The following BNIP3 variants were observed in gnomAD, a reference collection of about 807,000 sequenced individuals.
BNIP3 encodes BCL2 interacting protein 3.
A neutral mutation model predicts 23.9 loss-of-function variants in BNIP3; 16 were observed. The ratio of observed to expected loss-of-function variants is 0.67; its 90% CI spans 0.45 to 1.01. The LOEUF is 1.01. Ranked by LOEUF, BNIP3 falls within the 50% of genes least tolerant of loss-of-function variation. The pLI, the probability that BNIP3 is intolerant of heterozygous loss-of-function variation, is 0.00. For missense variants in BNIP3, 198 were observed against 248.7 expected (o/e 0.80, Z 1.37); for synonymous variants, 81 against 89.3 (o/e 0.91, Z 0.53).
In BNIP3 at chr10:131,970,358, A is replaced by T. The variant is rs991989658; in HGVS notation, c.539+280T>A. The T allele has an allele frequency of 6.0e-6, 3 of 498,242 alleles. No individual in the cohort carries two copies. Among genetic ancestry groups the T allele is most frequent in the Non-Finnish European group, 1.1e-5 (3 of 277,688 alleles). The allele number at this position is 498,242 out of a possible 1,614,324, so 30.9% of individuals were successfully genotyped here. A position where few individuals can be genotyped will look rare whatever the true frequency, so the allele number is the denominator to read the frequency against. Reference sequence around the variant, plus strand: ...CACCTACACACAGGACAAAGAGGTCAGACCTAAGAAGCCCTGCTTTGACTC... The same window carrying T: ...CACCTACACACAGGACAAAGAGGTCTGACCTAAGAAGCCCTGCTTTGACTC... On this transcript the variant is annotated intron_variant, in intron 5 of 5. Transcript: ENST00000368636. This position sits in a 1 kb window ranked among gnomAD's most constrained non-coding sequence, Gnocchi z 4.1.
chr10:131,973,240 G>A (rs753292830), intron 2 of BNIP3, 122 bp from the exon 3 acceptor site: 170 of 978,912 alleles, frequency 1.7e-4, no homozygotes, highest in Non-Finnish European at 2.3e-4. Context: ...GTCAGCGTAC[G>A]CGTCTTCCCT....
At chr10:131,972,909 T>C in intron 3 of BNIP3, 125 bp downstream of exon 3, 1 of 937,074 alleles carries the variant, frequency 1.1e-6, no homozygotes, top group Non-Finnish European at 1.6e-6. Context: ...TTTTTGTTTT[T>C]TTTAAAGCAG....
Position 131,968,586 on chromosome 10 carries a change from T to A in BNIP3, c.540-17A>T, listed in dbSNP as rs764065829. On this transcript the variant is annotated splice_polypyrimidine_tract_variant and intron_variant, in intron 5 of 5. Transcript: ENST00000368636. ...ATATAGATCCTTCACAGAAAAATTATCAGTAGTTAATGTATCTTGTGATTC... is the reference window on the plus strand; with the variant it reads ...ATATAGATCCTTCACAGAAAAATTAACAGTAGTTAATGTATCTTGTGATTC... The A allele has an allele frequency of 1.3e-6, 2 of 1,582,516 alleles. No homozygotes were observed. Among genetic ancestry groups the A allele is most frequent in the Non-Finnish European group, 1.7e-6 (2 of 1,152,210 alleles).
chr10:131,972,513 C>T (rs1047725568), intron 3 of BNIP3, among the ~76,000 whole-genome samples: 7 of 152,196 alleles, frequency 4.6e-5, no homozygotes, highest in East Asian at 1.9e-4. Flanking sequence ...GTGTAATTTC[C>T]GGCAGGTAGT....
chr10:131,977,004 G>A (rs903425401), intron 1 of BNIP3, among the ~76,000 whole-genome samples: 4 of 152,134 alleles, frequency 2.6e-5, no homozygotes, highest in South Asian at 2.1e-4. Flanking sequence ...TTGGCACAGC[G>A]GTTCATGCCT....
Position 131,970,747 on chromosome 10 carries a change from T to C in BNIP3, c.430A>G (p.Ser144Gly). 6.2e-7 allele frequency: 1 copy of C among 1,614,222 alleles called. No individual in the cohort carries two copies. Among genetic ancestry groups the C allele is most frequent in the Non-Finnish European group, 8.5e-7 (1 of 1,180,046 alleles). The change falls in exon 5 of 6, where the codon AGC (serine) becomes GGC (glycine). Residue 144 changes from serine (S) to glycine (G), a missense_variant. Ser to Gly is a moderately conservative substitution (Grantham distance 56, BLOSUM62 0). Transcript: ENST00000368636. This position sits in a 1 kb window ranked among gnomAD's most constrained non-coding sequence, Gnocchi z 4.1. ...FKHPKRTATL[S>G]MRNTSVMKKG... ...TTCATGACGCTCGTGTTCCTCATGC[T>C]GAGGGTGGCCGTGCGCTTCGGGTGT...
At chr10:131,979,944 G>C (rs1371692419) in intron 1 of BNIP3, among the ~76,000 whole-genome samples, 1 of 152,202 alleles carries the variant, frequency 6.6e-6, no homozygotes, top group Non-Finnish European at 1.5e-5. Context: ...CCACCGCTCC[G>C]TCCCGGATTT....
intron 3 of BNIP3, among the ~76,000 whole-genome samples, chr10:131,972,463 G>A (rs1231484626): frequency 1.3e-5 from 2 of 152,184 alleles, no homozygotes; most frequent in East Asian, 3.8e-4. Flanking sequence ...CACTGCTCCG[G>A]CACCAGTTAG....
chr10:131,971,005 T>C (rs2037027303), intron 3 of BNIP3, 35 bp from the exon 4 acceptor site: 3 of 1,590,642 alleles, frequency 1.9e-6, no homozygotes, highest in Admixed American at 1.7e-5. Context: ...CAGATCAGTG[T>C]ACCACACGTG....
At chr10:131,973,226 G>T in intron 2 of BNIP3, 108 bp from the exon 3 acceptor site, 1 of 1,123,798 alleles carries the variant, frequency 8.9e-7, no homozygotes, top group Non-Finnish European at 1.3e-6. Flanking sequence ...AGGGGCTCTA[G>T]CCAGTCAGCG....
At chr10:131,971,150 C>T (rs1046471709) in intron 3 of BNIP3, 180 bp from the exon 4 acceptor site, 30 of 614,238 alleles carry the variant, frequency 4.9e-5, no homozygotes, top group African/African-American at 1.5e-4. Context: ...CGGGCCGCGC[C>T]GCACTCCCGG....
chr10:131,976,967 C>G lies in BNIP3; in HGVS notation c.47-3024G>C, dbSNP rs1415501582. ...CACCATCTTTTTACTGTTTTACTTT[C>G]TTTAATAAACATGCTTAAGACACTT... On this transcript the variant is annotated intron_variant, in intron 1 of 5. Coordinates refer to ENST00000368636, the MANE Select transcript of BNIP3 (RefSeq NM_004052.4). The surrounding 1 kb of genome is among the most constrained non-coding windows in gnomAD (Gnocchi z 4.3). Among the ~76,000 whole-genome samples, 2 of 152,162 alleles carry G rather than the reference C, an allele frequency of 1.3e-5. No individual in the cohort carries two copies. Among genetic ancestry groups the G allele is most frequent in the African/African-American group, 4.8e-5 (2 of 41,442 alleles).
chr10:131,969,836 C>G (rs1290752414), intron 5 of BNIP3: 2 of 152,292 alleles, frequency 1.3e-5, no homozygotes, highest in African/African-American at 2.4e-5. Context: ...GAACGCTCTT[C>G]AGAACCCACA....
Position 131,970,957 on chromosome 10 carries a change from T to C in BNIP3, c.296A>G (p.Asp99Gly). Residue 99 changes from aspartate (D) to glycine (G), a missense_variant, in exon 4 of 6, where the codon GAT becomes GGT. Asp to Gly is a moderately conservative substitution (Grantham distance 94). Coordinates refer to ENST00000368636, the MANE Select transcript of BNIP3 (RefSeq NM_004052.4). This position sits in a 1 kb window ranked among gnomAD's most constrained non-coding sequence, Gnocchi z 4.1. ...TTCAACTTCTTTCCTTCTTTCAATA[T>C]CATCTTCCTCAGACTAAGATAAAGT... ...EKNSSQSEED[D>G]IERRKEVESI... The C allele has an allele frequency of 6.2e-7, 1 of 1,613,926 alleles. No individual in the cohort carries two copies. The highest frequency in any genetic ancestry group is 1.1e-5 in the South Asian group (1 of 91,090).
chr10:131,969,492 T>C (rs2037001966), intron 5 of BNIP3: 1 of 152,146 alleles, frequency 6.6e-6, no homozygotes, highest in Middle Eastern at 3.4e-3. Context: ...TGACGGGTTA[T>C]GGGGGGGACG....
At chr10:131,972,490 G>C (rs1405622981) in intron 3 of BNIP3, among the ~76,000 whole-genome samples, 2 of 152,230 alleles carry the variant, frequency 1.3e-5, no homozygotes, top group Non-Finnish European at 2.9e-5. Flanking sequence ...ACTAATGCTA[G>C]GAAAGGCACA....
intron 1 of BNIP3, chr10:131,981,412 A>G (rs1394915404): frequency 8.5e-6 from 3 of 354,070 alleles, no homozygotes; most frequent in East Asian, 8.6e-5. Flanking sequence ...GGCAACGTGG[A>G]CTTTGAGGCT....
At chr10:131,971,212 A>G in intron 3 of BNIP3, 1 of 527,690 alleles carries the variant, frequency 1.9e-6, no homozygotes. Context: ...GGGGAGCCCC[A>G]CTCAGGGCGT....
chr10:131,968,374 C>G lies in BNIP3; in HGVS notation c.*150G>C. Reference sequence around the variant, plus strand: ...GATCAACATGATTTTAGTGTCTATTCTTTTATTTTACTAAATTAGGAACGC... The same window carrying G: ...GATCAACATGATTTTAGTGTCTATTGTTTTATTTTACTAAATTAGGAACGC... On this transcript the variant is annotated 3_prime_UTR_variant, in exon 6 of 6. Transcript: ENST00000368636. 1 of 656,580 alleles carries G rather than the reference C, an allele frequency of 1.5e-6. No homozygotes were observed. Among genetic ancestry groups the G allele is most frequent in the Non-Finnish European group, 2.6e-6 (1 of 384,974 alleles). The allele number at this position is 656,580 out of a possible 1,614,324, so 40.7% of individuals were successfully genotyped here. A position where few individuals can be genotyped will look rare whatever the true frequency, so the allele number is the denominator to read the frequency against.
Sources: allele counts gnomAD v4.1 joint callset (sites outside exome capture counted in the v4.1 genomes callset), GRCh38; gene constraint gnomAD v4.1.1; non-coding constraint Gnocchi (gnomAD v3.1); transcripts MANE v1.5; gene names NCBI Gene and HGNC (gene_info 2026-07-23, HGNC 2026-07-21).